The following NEK3 variants were observed in gnomAD, a reference collection of about 807,000 sequenced individuals.
NEK3 encodes the protein NIMA related kinase 3, also known as serine/threonine-protein kinase Nek3.
A neutral mutation model predicts 66.0 loss-of-function variants in NEK3; 54 were observed. That is an observed-to-expected ratio of 0.82 (90% CI 0.66 to 1.03). The LOEUF (loss-of-function observed/expected upper bound fraction) is 1.03, where lower values mean the gene tolerates loss of function less well. Among genes scored for constraint, NEK3 ranks in the 50% least tolerant of loss-of-function variants. The pLI, the probability that NEK3 is intolerant of heterozygous loss-of-function variation, is 0.00. For synonymous variants in NEK3, 200 were observed against 206.2 expected (o/e 0.97, Z 0.26); for missense variants, 593 against 603.0 (o/e 0.98, Z 0.17).
intron 10 of NEK3, 133 bp from the exon 11 acceptor site, chr13:52,141,202 A>C: frequency 1.6e-6 from 1 of 638,180 alleles, no homozygotes; most frequent in Non-Finnish European, 2.6e-6. Context: ...GCTCTCTGAT[A>C]TCCTGAATGG....
intron 11 of NEK3, 127 bp from the exon 12 acceptor site, chr13:52,137,029 T>C (rs1726099000): frequency 1.7e-6 from 1 of 572,250 alleles, no homozygotes; most frequent in Non-Finnish European, 2.9e-6. Context: ...TGAATAATCA[T>C]AGAACCCCAA....
chr13:52,153,224 T>C (rs1248854591), intron 4 of NEK3, among the ~76,000 whole-genome samples: 1 of 152,098 alleles, frequency 6.6e-6, no homozygotes, highest in Non-Finnish European at 1.5e-5. Flanking sequence ...ATTTTTTTTT[T>C]CCCTCTTGCT....
chr13:52,154,100 G>A lies in NEK3; in HGVS notation c.191C>T (p.Ala64Val). 1 of 1,611,618 alleles carries A rather than the reference G, an allele frequency of 6.2e-7. No individual in the cohort carries two copies. The highest frequency in any genetic ancestry group is 1.1e-5 in the South Asian group (1 of 90,832). The change falls in exon 3 of 16, where the codon GCC (alanine) becomes GTC (valine). Residue 64 changes from alanine (A) to valine (V), a missense_variant. By Grantham distance (64) the Ala-to-Val change is moderately conservative. Coordinates refer to ENST00000610828, the MANE Select transcript of NEK3 (RefSeq NM_002498.3). ...TTTACCTTCAAATGATTCTTTGAAGGCAACAATATTAGGGTGTTTCATTTT... is the reference window on the plus strand; with the variant it reads ...TTTACCTTCAAATGATTCTTTGAAGACAACAATATTAGGGTGTTTCATTTT... Reference protein sequence around the residue: ...LAKMKHPNIVAFKESFEAEGH... With the variant: ...LAKMKHPNIVVFKESFEAEGH...
intron 11 of NEK3, among the ~76,000 whole-genome samples, chr13:52,138,043 CAG>C (rs1956218768): frequency 6.6e-6 from 1 of 152,216 alleles, no homozygotes; most frequent in African/African-American, 2.4e-5. Flanking sequence ...CTTTTTGAGA[CAG>C]AGTCTTGCTG....
In NEK3 at chr13:52,155,914, C is replaced by T. The variant is rs1956391388; in HGVS notation, c.117+161G>A. ...GCCAGGCTGGCCTCAAACTCCTGACCTCAGGCCGGTCTCAAACTCCTGACC... is the reference window on the plus strand; with the variant it reads ...GCCAGGCTGGCCTCAAACTCCTGACTTCAGGCCGGTCTCAAACTCCTGACC... On this transcript the variant is annotated intron_variant, in intron 2 of 15. Coordinates refer to ENST00000610828, the MANE Select transcript of NEK3 (RefSeq NM_002498.3). 3.9e-5 allele frequency among the ~76,000 whole-genome samples: 6 copies of T among 152,060 alleles called. No homozygotes were observed. In the South Asian group the frequency reaches 1.0e-3, roughly 26 times the overall value.
chr13:52,143,188 T>C lies in NEK3; in HGVS notation c.877+727A>G, dbSNP rs911316686. On this transcript the variant is annotated intron_variant, in intron 10 of 15. Coordinates refer to ENST00000610828, the MANE Select transcript of NEK3 (RefSeq NM_002498.3). The stretch of plus-strand genomic sequence containing the variant: ...AAAATTAGCCAGGCATGGTGGCACA[T>C]GCCTGTAATCCTAGCTACTTGGGAG... Among the ~76,000 whole-genome samples the C allele has an allele frequency of 1.1e-4, 16 of 152,196 alleles. No individual in the cohort carries two copies. In the East Asian group the frequency reaches 3.1e-3, roughly 29 times the overall value.
At chr13:52,150,567 C>T (rs76580973) in intron 7 of NEK3, among the ~76,000 whole-genome samples, 1,741 of 152,278 alleles carry the variant, frequency 0.011, 19 homozygotes, top group Non-Finnish European at 0.02. Flanking sequence ...CCCTGCACAT[C>T]CATCCCCACA....
intron 15 of NEK3, 131 bp downstream of exon 15, chr13:52,133,558 T>A: frequency 8.2e-7 from 1 of 1,221,954 alleles, no homozygotes; most frequent in Non-Finnish European, 1.1e-6. Flanking sequence ...CCATTTATGA[T>A]GAAAAGTAAT....
chr13:52,136,305 G>A (rs1262612419), intron 12 of NEK3, 46 bp from the exon 13 acceptor site: 3 of 1,597,092 alleles, frequency 1.9e-6, no homozygotes, highest in Non-Finnish European at 2.6e-6. Flanking sequence ...GTGAAATTAT[G>A]TATCCATCTC....
intron 8 of NEK3, among the ~76,000 whole-genome samples, chr13:52,146,788 A>T (rs1190645996): frequency 6.6e-6 from 1 of 152,158 alleles, no homozygotes; most frequent in Non-Finnish European, 1.5e-5. Context: ...TAAACCACTT[A>T]TATTCAAGGA....
chr13:52,139,236 G>C (rs1337732664), intron 11 of NEK3, among the ~76,000 whole-genome samples: 1 of 152,176 alleles, frequency 6.6e-6, no homozygotes, highest in Non-Finnish European at 1.5e-5. Context: ...CAATAAAAAG[G>C]AATGAAGTTT....
intron 9 of NEK3, among the ~76,000 whole-genome samples, chr13:52,144,297 C>T (rs1312119073): frequency 4.6e-5 from 7 of 152,062 alleles, no homozygotes; most frequent in Admixed American, 4.6e-4. Flanking sequence ...GTGCCTGTAA[C>T]CCCAGCCACT....
rs974649693 is a variant in NEK3 at position 52,149,870 on chromosome 13, A to G, written c.548+1276T>C. 1.2e-4 allele frequency among the ~76,000 whole-genome samples: 4 copies of G among 33,424 alleles called. No individual in the cohort carries two copies. In the East Asian group the frequency reaches 4.7e-3, roughly 39 times the overall value. The allele number at this position is 33,424 out of a possible 152,430, so 21.9% of individuals were successfully genotyped here. A position where few individuals can be genotyped will look rare whatever the true frequency, so the allele number is the denominator to read the frequency against. Reference sequence around the variant, plus strand: ...AGCAACAGAGTGAGACTCTGTCTCAAAAAAAAAAAAAAAAGGTTGCAGATA... The same window carrying G: ...AGCAACAGAGTGAGACTCTGTCTCAGAAAAAAAAAAAAAAGGTTGCAGATA... On this transcript the variant is annotated intron_variant, in intron 7 of 15. Transcript: ENST00000610828.
At chr13:52,155,093 G>A (rs897642602) in intron 2 of NEK3, among the ~76,000 whole-genome samples, 6 of 152,084 alleles carry the variant, frequency 3.9e-5, no homozygotes, top group South Asian at 2.1e-4. Flanking sequence ...CTACTCAATC[G>A]GAAGCCTGGG....
intron 11 of NEK3, among the ~76,000 whole-genome samples, chr13:52,139,082 C>G (rs535942372): frequency 6.6e-6 from 1 of 152,298 alleles, no homozygotes; most frequent in South Asian, 2.1e-4. Context: ...AAGAATGTCA[C>G]AGTTGCCCAG....
At chr13:52,138,755 C>T (rs1327383328) in intron 11 of NEK3, among the ~76,000 whole-genome samples, 1 of 152,040 alleles carries the variant, frequency 6.6e-6, no homozygotes, top group African/African-American at 2.4e-5. Context: ...CATAGTGAGA[C>T]CTCATCTCTA....
At chr13:52,154,652 G>A (rs1956377016) in intron 2 of NEK3, among the ~76,000 whole-genome samples, 1 of 151,742 alleles carries the variant, frequency 6.6e-6, no homozygotes, top group African/African-American at 2.4e-5. Context: ...GTATATTACT[G>A]CATCAAGGAT....
At chr13:52,136,342 TG>T in intron 12 of NEK3, 83 bp from the exon 13 acceptor site, 6 of 1,322,392 alleles carry the variant, frequency 4.5e-6, no homozygotes, top group Non-Finnish European at 6.3e-6. Context: ...CTAACAAATA[TG>T]GAAGTGTTTC....
At chr13:52,136,282 G>C in intron 12 of NEK3, 23 bp from the exon 13 acceptor site, 1 of 1,612,170 alleles carries the variant, frequency 6.2e-7, no homozygotes. Flanking sequence ...TGTGAAAAAG[G>C]AATGCCAAGC....
Sources: gnomAD v4.1 joint callset for allele counts (sites outside exome capture counted in the v4.1 genomes callset) on GRCh38, gnomAD v4.1.1 for gene constraint, MANE v1.5 for transcripts, NCBI Gene and HGNC (gene_info 2026-07-23, HGNC 2026-07-21) for gene names.